CCDC112: variants seen among roughly 807,000 people sequenced by gnomAD.
CCDC112 encodes coiled-coil domain-containing protein 112.
Under a neutral mutation model 66.3 loss-of-function variants are expected in CCDC112, and 40 were observed. That is an observed-to-expected ratio of 0.60 (90% CI 0.47 to 0.79). The LOEUF is 0.79. CCDC112 is among the 30% of genes least tolerant of loss of function. The probability of loss-of-function intolerance (pLI) is 0.00; values close to 1 mark genes in which losing one functional copy is unlikely to be tolerated. For synonymous variants in CCDC112, 214 were observed against 197.2 expected, an observed-to-expected ratio of 1.09 and a Z score of -0.71; for missense variants, 659 against 603.8, an observed-to-expected ratio of 1.09 and a Z score of -0.96.
intron 5 of CCDC112, 56 bp downstream of exon 5, chr5:115,275,938 C>A: frequency 8.8e-7 from 1 of 1,132,574 alleles, no homozygotes; most frequent in South Asian, 1.3e-5. Context: ...GTACTGGGGC[C>A]AGTTATTAAA....
intron 1 of CCDC112, among the ~76,000 whole-genome samples, chr5:115,293,314 A>C (rs1269107393): frequency 6.6e-6 from 1 of 152,164 alleles, no homozygotes; most frequent in Non-Finnish European, 1.5e-5. Context: ...AATAAGAGTA[A>C]ATTTCAAATG....
intron 2 of CCDC112, among the ~76,000 whole-genome samples, chr5:115,281,086 C>T (rs953666412): frequency 6.6e-6 from 1 of 150,706 alleles, no homozygotes; most frequent in African/African-American, 2.4e-5. Context: ...TGCAGTGGTG[C>T]GATTTCAGCT....
Position 115,277,040 on chromosome 5 carries a change from G to T in CCDC112, c.376C>A (p.Gln126Lys). 1 of 1,606,942 alleles carries T rather than the reference G, an allele frequency of 6.2e-7. No homozygotes were observed. The highest frequency in any genetic ancestry group is 8.5e-7 in the Non-Finnish European group (1 of 1,174,872). Residue 126 changes from glutamine (Q) to lysine (K), a missense_variant, in exon 4 of 10, where the codon CAA becomes AAA. Physicochemically the swap from Gln to Lys is moderately conservative, Grantham distance 53. Transcript: ENST00000379611. ...SRKTERAKIQ[Q>K]QLAKIHNNVK... ...TTATTATGTATTTTGGCCAATTGTT[G>T]CTGGATTTTTGCTCCTATAAGAAAG...
At chr5:115,270,099 A>T (rs1310606351) in intron 7 of CCDC112, among the ~76,000 whole-genome samples, 1 of 151,576 alleles carries the variant, frequency 6.6e-6, no homozygotes, top group Non-Finnish European at 1.5e-5. Context: ...CTGATTTCAG[A>T]TCTCTCATTA....
intron 2 of CCDC112, 46 bp downstream of exon 2, chr5:115,284,741 T>C: frequency 6.8e-7 from 1 of 1,471,888 alleles, no homozygotes; most frequent in African/African-American, 1.4e-5. Flanking sequence ...TTGTCCATTA[T>C]AAAATGGCTA....
chr5:115,295,968 C>A, intron 1 of CCDC112: 2 of 986,652 alleles, frequency 2.0e-6, no homozygotes, highest in African/African-American at 3.5e-5. Flanking sequence ...CCTCTGCCTC[C>A]GACCATCCCA....
chr5:115,268,743 A>C (rs1419326061), intron 9 of CCDC112, 139 bp downstream of exon 9: 2 of 265,768 alleles, frequency 7.5e-6, no homozygotes, highest in Non-Finnish European at 1.4e-5. Context: ...TAGGTAAAAA[A>C]CATTTATATA....
chr5:115,287,616 G>T (rs192214560), intron 1 of CCDC112, among the ~76,000 whole-genome samples: 240 of 151,370 alleles, frequency 1.6e-3, no homozygotes, highest in Non-Finnish European at 2.3e-3. Flanking sequence ...GTCAACCTGA[G>T]CCCGAGTAAT....
At chr5:115,270,161 T>C (rs1321505069) in intron 7 of CCDC112, among the ~76,000 whole-genome samples, 4 of 152,150 alleles carry the variant, frequency 2.6e-5, no homozygotes, top group Non-Finnish European at 5.9e-5. Flanking sequence ...TTATGTGTCC[T>C]GCTTATTTTT....
chr5:115,292,459 T>C (rs1051629469), intron 1 of CCDC112, among the ~76,000 whole-genome samples: 5 of 152,242 alleles, frequency 3.3e-5, no homozygotes, highest in African/African-American at 1.2e-4. Context: ...AATAACTGTT[T>C]TGAAGTCTTT....
chr5:115,290,963 A>G (rs1749903016), intron 1 of CCDC112, among the ~76,000 whole-genome samples: 2 of 152,102 alleles, frequency 1.3e-5, no homozygotes, highest in Admixed American at 6.5e-5. Context: ...TTCCTTTCCA[A>G]TACGAATGCT....
chr5:115,294,635 T>C (rs1405524279), intron 1 of CCDC112, among the ~76,000 whole-genome samples: 3 of 152,224 alleles, frequency 2.0e-5, no homozygotes, highest in Non-Finnish European at 4.4e-5. Context: ...TATCATGAGA[T>C]TGCCACCAGG....
chr5:115,279,354 G>A (rs1749347146), intron 3 of CCDC112, among the ~76,000 whole-genome samples: 1 of 134,642 alleles, frequency 7.4e-6, no homozygotes, highest in South Asian at 2.6e-4. Context: ...AATAGAATTT[G>A]GTGGTGTGTC....
Position 115,293,466 on chromosome 5 carries a change from G to T in CCDC112, c.117+2961C>A, listed in dbSNP as rs1053007276. On this transcript the variant is annotated intron_variant, in intron 1 of 9. Coordinates refer to ENST00000379611, the MANE Select transcript of CCDC112 (RefSeq NM_001040440.3). Reference sequence around the variant, plus strand: ...TTAAGATTTGTCAATTAAAAATAATGTTAATTAAAACAAAGGTGTTAGTAG... The same window carrying T: ...TTAAGATTTGTCAATTAAAAATAATTTTAATTAAAACAAAGGTGTTAGTAG... Among the ~76,000 whole-genome samples the T allele has an allele frequency of 6.6e-5, 10 of 152,232 alleles. No homozygotes were observed. In the East Asian group the frequency reaches 1.7e-3, roughly 26 times the overall value.
intron 2 of CCDC112, among the ~76,000 whole-genome samples, chr5:115,280,779 C>A (rs556831621): frequency 2.0e-5 from 3 of 151,890 alleles, no homozygotes; most frequent in African/African-American, 7.3e-5. Context: ...GTCTTGAACT[C>A]CTGAGCTCAA....
chr5:115,274,970 T>G (rs540305067), intron 6 of CCDC112, among the ~76,000 whole-genome samples: 1 of 152,192 alleles, frequency 6.6e-6, no homozygotes, highest in Non-Finnish European at 1.5e-5. Flanking sequence ...CTCAAACTCC[T>G]GAGCTCAAGT....
At chr5:115,282,784 G>C (rs975406820) in intron 2 of CCDC112, among the ~76,000 whole-genome samples, 1 of 151,964 alleles carries the variant, frequency 6.6e-6, no homozygotes, top group Non-Finnish European at 1.5e-5. Context: ...GGTACCCTTT[G>C]ATTTGTTTTG....
chr5:115,291,399 T>C (rs1276554783), intron 1 of CCDC112, among the ~76,000 whole-genome samples: 3 of 152,162 alleles, frequency 2.0e-5, no homozygotes, highest in Non-Finnish European at 4.4e-5. Context: ...TGTTGAGTAT[T>C]TTTACATCTG....
At chr5:115,290,688 T>A (rs1749883547) in intron 1 of CCDC112, among the ~76,000 whole-genome samples, 1 of 152,152 alleles carries the variant, frequency 6.6e-6, no homozygotes, top group Non-Finnish European at 1.5e-5. Context: ...AGAGAATAAG[T>A]TTTATGCTTC....
Sources: allele counts gnomAD v4.1 joint callset (sites outside exome capture counted in the v4.1 genomes callset), GRCh38; gene constraint gnomAD v4.1.1; transcripts MANE v1.5; gene names NCBI Gene and HGNC (gene_info 2026-07-23, HGNC 2026-07-21).